TRERF1: variants seen among roughly 807,000 people sequenced by gnomAD.
TRERF1 encodes transcriptional regulating factor 1.
In TRERF1, 27 loss-of-function variants were observed where a neutral mutation model predicts 122.9. The observed-to-expected ratio is 0.22, with a 90% CI of 0.16 to 0.30. TRERF1 has a LOEUF of 0.30. Ranked by LOEUF, TRERF1 falls within the 10% of genes least tolerant of loss-of-function variation. The probability of loss-of-function intolerance (pLI) is 1.00; values close to 1 mark genes in which losing one functional copy is unlikely to be tolerated. For synonymous variants in TRERF1, 636 were observed against 641.7 expected, an observed-to-expected ratio of 0.99 and a Z score of 0.13; for missense variants, 1,248 against 1,560.3, an observed-to-expected ratio of 0.80 and a Z score of 3.37.
chr6:42,296,240 A>G (rs1785087613), intron 4 of TRERF1, among the ~76,000 whole-genome samples: 1 of 152,190 alleles, frequency 6.6e-6, no homozygotes, highest in South Asian at 2.1e-4. Flanking sequence ...AGTGCGTTCT[A>G]TCTTCCCTCA....
exon 7 of TRERF1, chr6:42,264,756 T>G: frequency 1.2e-6 from 2 of 1,614,218 alleles, no homozygotes; most frequent in Non-Finnish European, 1.7e-6. Flanking sequence ...CATGTGGCCA[T>G]TCAGGGCAGG....
chr6:42,411,574 G>A (rs1350212507), intron 2 of TRERF1, among the ~76,000 whole-genome samples: 1 of 152,246 alleles, frequency 6.6e-6, no homozygotes, highest in Non-Finnish European at 1.5e-5. Flanking sequence ...AATAGTGTCT[G>A]AGCCCAGAAT....
chr6:42,246,364 A>T, intron 14 of TRERF1, 92 bp downstream of exon 14: 1 of 988,128 alleles, frequency 1.0e-6, no homozygotes, highest in South Asian at 1.6e-5. Context: ...TTTTGTAAGT[A>T]TCTTAAACCA....
intron 2 of TRERF1, among the ~76,000 whole-genome samples, chr6:42,405,507 T>C (rs570519711): frequency 9.2e-4 from 140 of 152,170 alleles, no homozygotes; most frequent in African/African-American, 3.2e-3. Flanking sequence ...AAACTGAAAA[T>C]AGACGGGTCT....
At chr6:42,320,616 C>A (rs1304797984) in intron 3 of TRERF1, among the ~76,000 whole-genome samples, 3 of 150,598 alleles carry the variant, frequency 2.0e-5, no homozygotes, top group Non-Finnish European at 2.9e-5. Context: ...TCAAGCAATT[C>A]TCCCTACCTC....
intron 2 of TRERF1, among the ~76,000 whole-genome samples, chr6:42,425,360 C>CCG (rs1783463785): frequency 6.7e-6 from 1 of 150,200 alleles, no homozygotes; most frequent in South Asian, 2.1e-4. Flanking sequence ...AGCCCCCAAC[C>CCG]AACCCCCTAC....
intron 13 of TRERF1, among the ~76,000 whole-genome samples, chr6:42,249,464 A>G (rs868303961): frequency 2.0e-5 from 3 of 152,306 alleles, no homozygotes; most frequent in Middle Eastern, 6.8e-3. Flanking sequence ...TGCCAGATGC[A>G]ACTCCACTGG....
At position 42,269,598 on chromosome 6, in the gene TRERF1, G is replaced by A; in HGVS notation, c.-8C>T. 7 of 1,608,792 alleles carry A rather than the reference G, an allele frequency of 4.4e-6. No homozygotes were observed. The highest frequency in any genetic ancestry group is 1.7e-5 in the Admixed American group (1 of 59,726). Reference sequence around the variant, plus strand: ...CAGTTGCTGGTCACCCATGCTGTCTGCCTTGGTTGTGAACGTCCAGCCACA... The same window carrying A: ...CAGTTGCTGGTCACCCATGCTGTCTACCTTGGTTGTGAACGTCCAGCCACA... On this transcript the variant is annotated 5_prime_UTR_variant, in exon 5 of 18. Coordinates refer to ENST00000372922, the Ensembl canonical transcript of TRERF1. This position sits in a 1 kb window ranked among gnomAD's most constrained non-coding sequence, Gnocchi z 4.9.
At chr6:42,435,868 T>C (rs936410825) in intron 2 of TRERF1, among the ~76,000 whole-genome samples, 1 of 151,128 alleles carries the variant, frequency 6.6e-6, no homozygotes, top group Non-Finnish European at 1.5e-5. Context: ...TAATCCCAAC[T>C]ACTCAGGAGG....
chr6:42,430,420 T>G (rs1784316219), intron 2 of TRERF1, among the ~76,000 whole-genome samples: 1 of 152,186 alleles, frequency 6.6e-6, no homozygotes, highest in Non-Finnish European at 1.5e-5. Flanking sequence ...ATCTTTTTTC[T>G]CTTAAGAGCT....
chr6:42,229,555 G>A (rs959989379), intron 17 of TRERF1, among the ~76,000 whole-genome samples: 3 of 152,070 alleles, frequency 2.0e-5, no homozygotes, highest in African/African-American at 7.2e-5. Flanking sequence ...TGCTCTTCTC[G>A]AGGTCACTGG....
At chr6:42,246,504 G>A in exon 14 of TRERF1, 2 of 1,601,638 alleles carry the variant, frequency 1.2e-6, no homozygotes, top group Non-Finnish European at 8.5e-7. Flanking sequence ...CTAGTGCTTT[G>A]TTAAACAGTT....
intron 3 of TRERF1, among the ~76,000 whole-genome samples, chr6:42,326,640 G>A (rs891726233): frequency 3.3e-5 from 5 of 152,170 alleles, no homozygotes; most frequent in African/African-American, 1.2e-4. Context: ...GAGTGACAAG[G>A]AGCAAGACTC....
chr6:42,445,353 GAC>G (rs57862861), intron 2 of TRERF1, among the ~76,000 whole-genome samples: 14,335 of 86,438 alleles, frequency 0.17, 694 homozygotes, highest in Admixed American at 0.22. Context: ...TACACACACA[GAC>G]ACACACACAC....
chr6:42,272,770 G>T (rs536167434), intron 4 of TRERF1, among the ~76,000 whole-genome samples: 16 of 152,264 alleles, frequency 1.1e-4, no homozygotes, highest in African/African-American at 3.6e-4. Flanking sequence ...TTATGACCCA[G>T]TCTCAGACAC....
chr6:42,357,782 A>T (rs1217807417), intron 3 of TRERF1, among the ~76,000 whole-genome samples: 1 of 152,202 alleles, frequency 6.6e-6, no homozygotes, highest in Non-Finnish European at 1.5e-5. Context: ...TGGAAGGCAA[A>T]GTGTGTTTGT....
intron 2 of TRERF1, among the ~76,000 whole-genome samples, chr6:42,415,136 T>C (rs572950930): frequency 6.6e-6 from 1 of 152,346 alleles, no homozygotes; most frequent in South Asian, 2.1e-4. Flanking sequence ...TGATTTGTAC[T>C]TTTTATTATA....
chr6:42,238,891 CTG>C (rs1211610624), intron 15 of TRERF1, among the ~76,000 whole-genome samples: 1 of 150,424 alleles, frequency 6.6e-6, no homozygotes, highest in African/African-American at 2.4e-5. Flanking sequence ...TCTCATAACA[CTG>C]TAAAATTTTT....
chr6:42,439,970 T>C (rs560795622), intron 2 of TRERF1, among the ~76,000 whole-genome samples: 1 of 152,304 alleles, frequency 6.6e-6, no homozygotes, highest in East Asian at 1.9e-4. Context: ...TTATTTGTCC[T>C]GGCATTTCCA....
Sources: allele counts gnomAD v4.1 joint callset (sites outside exome capture counted in the v4.1 genomes callset), GRCh38; gene constraint gnomAD v4.1.1; non-coding constraint Gnocchi (gnomAD v3.1); transcripts MANE v1.5; gene names NCBI Gene and HGNC (gene_info 2026-07-23, HGNC 2026-07-21).